NTM: variants seen among roughly 807,000 people sequenced by gnomAD.
The protein encoded by NTM is neurotrimin.
NTM carries 13 observed loss-of-function variants against 42.1 expected under a neutral mutation model. That is an observed-to-expected ratio of 0.31 (90% CI 0.20 to 0.49). The LOEUF is 0.49. Ranked by LOEUF, NTM falls within the 20% of genes least tolerant of loss-of-function variation. NTM has a pLI of 0.99. For missense variants in NTM, 373 were observed against 452.8 expected, an observed-to-expected ratio of 0.82 and a Z score of 1.60; for synonymous variants, 187 against 179.2, an observed-to-expected ratio of 1.04 and a Z score of -0.35.
chr11:131,980,404 A>C (rs2065051280), intron 2 of NTM, among the ~76,000 whole-genome samples: 1 of 152,228 alleles, frequency 6.6e-6, no homozygotes, highest in Admixed American at 6.5e-5. Flanking sequence ...TGTATTTGCC[A>C]AACACCCACT....
chr11:131,735,440 C>T (rs982500701), intron 1 of NTM, among the ~76,000 whole-genome samples: 8 of 152,140 alleles, frequency 5.3e-5, no homozygotes, highest in Admixed American at 3.9e-4. Flanking sequence ...AGAGAAGTGA[C>T]AGTCATTGTG....
rs150492192 is a variant in NTM at position 131,423,540 on chromosome 11, C to A, written c.82+52652C>A. Among the ~76,000 whole-genome samples the A allele has an allele frequency of 1.1e-3, 172 of 152,280 alleles. 3 individuals carry two copies. The East Asian group carries it at 0.032, about 28-fold the overall frequency. ...TGTGTAGTTCATTTATTCATTCACA[C>A]AAAACATGCTGTTGTTGCTGAGCTT... is the stretch of plus-strand genomic sequence containing the variant. On this transcript the variant is annotated intron_variant, in intron 1 of 8. Transcript: ENST00000683400.
At chr11:132,074,758 C>T (rs968755316) in intron 2 of NTM, among the ~76,000 whole-genome samples, 3 of 152,130 alleles carry the variant, frequency 2.0e-5, no homozygotes, top group Non-Finnish European at 4.4e-5. Flanking sequence ...CTTACAGCTA[C>T]ACAGTATGGA....
At chr11:131,873,521 A>AGT (rs71067341) in intron 1 of NTM, among the ~76,000 whole-genome samples, 8,289 of 52,114 alleles carry the variant, frequency 0.16, 1,200 homozygotes, top group Admixed American at 0.33. Context: ...CAGAACTTAA[A>AGT]GTGTGTGTGT....
At chr11:132,190,015 G>A (rs183947417) in intron 3 of NTM, among the ~76,000 whole-genome samples, 169 of 152,254 alleles carry the variant, frequency 1.1e-3, no homozygotes, top group Admixed American at 2.9e-3. Flanking sequence ...TGATATACTC[G>A]ATCAGAGTGG....
intron 1 of NTM, among the ~76,000 whole-genome samples, chr11:131,594,847 C>T (rs371364294): frequency 1.8e-4 from 28 of 152,244 alleles, no homozygotes; most frequent in South Asian, 1.2e-3. Context: ...GAGAGTAGGG[C>T]GCCATGTACT....
intron 1 of NTM, among the ~76,000 whole-genome samples, chr11:131,595,625 A>T (rs115840711): frequency 2.6e-5 from 4 of 152,216 alleles, no homozygotes; most frequent in Non-Finnish European, 4.4e-5. Context: ...AGATGAAAGA[A>T]AGGAAGCTTG....
chr11:131,636,629 G>A (rs1335669799), intron 1 of NTM, among the ~76,000 whole-genome samples: 1 of 152,152 alleles, frequency 6.6e-6, no homozygotes, highest in East Asian at 1.9e-4. Context: ...CAGACGCAGC[G>A]GCTGCGCTGT....
At chr11:131,822,461 AC>A (rs1276762218) in intron 1 of NTM, among the ~76,000 whole-genome samples, 3 of 152,232 alleles carry the variant, frequency 2.0e-5, no homozygotes. Flanking sequence ...TTTTAAAAAA[AC>A]AAATTACCCA....
intron 1 of NTM, among the ~76,000 whole-genome samples, chr11:131,870,180 G>C (rs1432615623): frequency 6.6e-6 from 1 of 152,196 alleles, no homozygotes; most frequent in African/African-American, 2.4e-5. Context: ...ATAGTTCCAT[G>C]CTGAAGTCAC....
intron 2 of NTM, among the ~76,000 whole-genome samples, chr11:131,962,106 T>C (rs1054907552): frequency 6.6e-6 from 1 of 151,988 alleles, no homozygotes; most frequent in African/African-American, 2.4e-5. Flanking sequence ...CTGAGCCCCT[T>C]CCCTCCTTAT....
intron 2 of NTM, among the ~76,000 whole-genome samples, chr11:132,071,003 C>A (rs75382381): frequency 3.0e-3 from 320 of 106,004 alleles, no homozygotes; most frequent in Middle Eastern, 0.018. Flanking sequence ...TAACACGTCA[C>A]ACTGACCATC....
intron 2 of NTM, among the ~76,000 whole-genome samples, chr11:132,018,294 A>T (rs2073769466): frequency 6.6e-6 from 1 of 151,850 alleles, no homozygotes; most frequent in African/African-American, 2.4e-5. Flanking sequence ...TTAGACATTC[A>T]TGCCTCTTTC....
intron 1 of NTM, among the ~76,000 whole-genome samples, chr11:131,580,309 A>C (rs1422156413): frequency 6.6e-6 from 1 of 152,136 alleles, no homozygotes; most frequent in Non-Finnish European, 1.5e-5. Context: ...ACTCTCATAT[A>C]CTGTGGTTCT....
In NTM at chr11:132,335,856, CTA is replaced by C. The variant is rs762864492; in HGVS notation, c.*711_*712del. 2 of 151,684 alleles carry C rather than the reference CTA, an allele frequency of 1.3e-5. No individual in the cohort carries two copies. Among genetic ancestry groups the C allele is most frequent in the African/African-American group, 2.4e-5 (1 of 41,106 alleles). The allele number at this position is 151,684 out of a possible 1,614,324, so 9.4% of individuals were successfully genotyped here. ...AACTTACTGCAAAAACAAGACAAAA[CTA>C]AAAAAATACAACTGAGAAGGGTGAA... On this transcript the variant is annotated 3_prime_UTR_variant, in exon 9 of 9. Transcript: ENST00000683400.
chr11:131,541,179 G>A (rs781459215), intron 1 of NTM, among the ~76,000 whole-genome samples: 28 of 152,124 alleles, frequency 1.8e-4, no homozygotes, highest in East Asian at 7.7e-4. Context: ...CTGCCTCCCC[G>A]TCCTGCCTCG....
intron 1 of NTM, among the ~76,000 whole-genome samples, chr11:131,686,118 C>T (rs892611271): frequency 5.9e-5 from 9 of 152,242 alleles, no homozygotes; most frequent in Admixed American, 2.0e-4. Flanking sequence ...CCACAGACCA[C>T]GGTCTCCCAG....
At chr11:132,012,279 A>T (rs1311564538) in intron 2 of NTM, among the ~76,000 whole-genome samples, 1 of 152,228 alleles carries the variant, frequency 6.6e-6, no homozygotes, top group Non-Finnish European at 1.5e-5. Context: ...CTTTAAAAGA[A>T]ATGCAATTTT....
rs76067993 is a variant in NTM at position 132,265,911 on chromosome 11, C to T, written c.527-41778C>T. The stretch of plus-strand genomic sequence containing the variant: ...ATCCGCAGGTGGCAGAGATGGGATA[C>T]ACTGTTGGGATTTCCCACCTGTCCA... On this transcript the variant is annotated intron_variant, in intron 4 of 8. Coordinates refer to ENST00000683400, the MANE Select transcript of NTM (RefSeq NM_001352005.2). Among the ~76,000 whole-genome samples, 294 of 152,254 alleles carry T rather than the reference C, an allele frequency of 1.9e-3. 4 individuals carry two copies. In the East Asian group the frequency reaches 0.028, roughly 15 times the overall value.
Sources: allele counts gnomAD v4.1 joint callset (sites outside exome capture counted in the v4.1 genomes callset), GRCh38; gene constraint gnomAD v4.1.1; transcripts MANE v1.5; gene names NCBI Gene and HGNC (gene_info 2026-07-23, HGNC 2026-07-21).